PKD1: variants seen among roughly 807,000 people sequenced by gnomAD.
PKD1 encodes the protein polycystin 1, transient receptor potential channel interacting.
PKD1 carries 81 observed loss-of-function variants against 361.7 expected under a neutral mutation model. That is an observed-to-expected ratio of 0.22 (90% CI 0.19 to 0.27). The LOEUF is 0.27. Ranked by LOEUF, PKD1 falls within the 10% of genes least tolerant of loss-of-function variation. The pLI, the probability that PKD1 is intolerant of heterozygous loss-of-function variation, is 1.00. For synonymous variants in PKD1, 3,615 were observed against 2,818.3 expected, an observed-to-expected ratio of 1.28 and a Z score of -8.95; for missense variants, 6,399 against 6,118.3, an observed-to-expected ratio of 1.05 and a Z score of -1.53.
chr16:2,133,942 C>T lies in PKD1; in HGVS notation c.215+1533G>A, dbSNP rs940244524. On this transcript the variant is annotated intron_variant, in intron 1 of 45. Coordinates refer to ENST00000262304, the MANE Select transcript of PKD1 (RefSeq NM_001009944.3). The stretch of plus-strand genomic sequence containing the variant: ...ACGGGCCTTGCTCTCCGCTCAGCAG[C>T]CACCAGCGCCCTTCTCTCCCGGACA... Among the ~76,000 whole-genome samples, 12 of 151,130 alleles carry T rather than the reference C, an allele frequency of 7.9e-5. 1 individual carries two copies. Among genetic ancestry groups the T allele is most frequent in the African/African-American group, 3.0e-4 (12 of 40,628 alleles).
intron 34 of PKD1, among the ~76,000 whole-genome samples, chr16:2,095,698 C>T (rs566113940): frequency 2.6e-5 from 4 of 152,222 alleles, no homozygotes; most frequent in Non-Finnish European, 5.9e-5. Flanking sequence ...CCCAAGCCTC[C>T]GACCTGGTCA....
At position 2,100,234 on chromosome 16, in the gene PKD1, A is replaced by G; in HGVS notation, c.9644T>C (p.Val3215Ala). 1.9e-6 allele frequency: 3 copies of G among 1,610,572 alleles called. No homozygotes were observed. The highest frequency in any genetic ancestry group is 2.5e-6 in the Non-Finnish European group (3 of 1,179,654). The change falls in exon 28 of 46, where the codon GTC (valine) becomes GCC (alanine). Residue 3215 changes from valine to alanine, a missense_variant. Physicochemically the swap from Val to Ala is moderately conservative, Grantham distance 64. Transcript: ENST00000262304. This position sits in a 1 kb window ranked among gnomAD's most constrained non-coding sequence, Gnocchi z 4.4. ...CGTCTCCACCGAAAGCCAGTCATTG[A>G]CCAGGAAGAAGGCGCTGCGTGCCGT... ...LQTARSAFFL[V>A]NDWLSVETEA...
chr16:2,092,813 CCTA>C (rs1186545304), intron 38 of PKD1, 138 bp downstream of exon 38: 21 of 1,053,448 alleles, frequency 2.0e-5, no homozygotes, highest in Middle Eastern at 2.0e-4. Context: ...CTCCCCTCTG[CCTA>C]CTGATGCCAG....
chr16:2,125,423 C>T (rs1281504735), intron 1 of PKD1, among the ~76,000 whole-genome samples: 1 of 152,180 alleles, frequency 6.6e-6, no homozygotes, highest in Non-Finnish European at 1.5e-5. Context: ...AGCTGGGGAG[C>T]CCCAGGCTCA....
chr16:2,109,148 A>G lies in PKD1; in HGVS notation c.6019T>C (p.Tyr2007His). 1 of 1,602,454 alleles carries G rather than the reference A, an allele frequency of 6.2e-7. No individual in the cohort carries two copies. Among genetic ancestry groups the G allele is most frequent in the Non-Finnish European group, 8.5e-7 (1 of 1,174,352 alleles). The stretch of plus-strand genomic sequence containing the variant: ...CCCTGGACCTTCTGCAGCGAGAAGT[A>G]CCAGGCGTAGGCGACCCGAGAGCCG... ...QRGSRVAYAW[Y>H]FSLQKVQGDS... is the part of the protein sequence containing the mutation. Residue 2007 changes from tyrosine to histidine, a missense_variant, in exon 15 of 46, where the codon TAC (tyrosine) becomes CAC (histidine). By Grantham distance (83) the Tyr-to-His change is moderately conservative. Coordinates refer to ENST00000262304, the MANE Select transcript of PKD1 (RefSeq NM_001009944.3).
At chr16:2,098,753 AT>A (rs2091960164) in intron 30 of PKD1, 1 of 143,368 alleles carries the variant, frequency 7.0e-6, no homozygotes, top group African/African-American at 2.8e-5. Context: ...TCTGTGAAGG[AT>A]TGGTGTTAAT....
chr16:2,129,309 C>T (rs2151846950), intron 1 of PKD1, among the ~76,000 whole-genome samples: 1 of 151,424 alleles, frequency 6.6e-6, no homozygotes, highest in East Asian at 1.9e-4. Context: ...ACAGGCGCCA[C>T]CACTAATATC....
At position 2,094,178 on chromosome 16, in the gene PKD1, A is replaced by C; in HGVS notation, c.10532T>G (p.Leu3511Arg). 5 of 1,606,492 alleles carry C rather than the reference A, an allele frequency of 3.1e-6. No homozygotes were observed. Among genetic ancestry groups the C allele is most frequent in the Non-Finnish European group, 4.3e-6 (5 of 1,176,178 alleles). The change falls in exon 35 of 46, where the codon CTG becomes CGG. Residue 3511 changes from leucine to arginine, a missense_variant. By Grantham distance (102) the Leu-to-Arg change is moderately radical. Coordinates refer to ENST00000262304, the MANE Select transcript of PKD1 (RefSeq NM_001009944.3). ...SSTPGEKTET[L>R]ALQRLGELGP... is the part of the protein sequence containing the mutation. The stretch of plus-strand genomic sequence containing the variant: ...CAGCTCCCCCAGCCTCTGCAGCGCC[A>C]GCGTCTCTGTCTTCTCCCCAGGAGT...
chr16:2,115,763 T>C, intron 9 of PKD1, 138 bp from the exon 10 acceptor site: 1 of 1,026,120 alleles, frequency 9.7e-7, no homozygotes, highest in Non-Finnish European at 1.4e-6. Flanking sequence ...AGCCCAGTGC[T>C]GCGTCCGTCT....
intron 42 of PKD1, 95 bp from the exon 43 acceptor site, chr16:2,091,269 G>C (rs1257115227): frequency 2.2e-6 from 1 of 452,874 alleles, no homozygotes; most frequent in African/African-American, 2.3e-5. Context: ...CCTACGAGGG[G>C]GCGGGACGCT....
intron 1 of PKD1, among the ~76,000 whole-genome samples, chr16:2,131,528 T>A (rs560356586): frequency 1.1e-3 from 169 of 148,122 alleles, no homozygotes; most frequent in Middle Eastern, 3.6e-3. Context: ...AATAAATAAA[T>A]AAATAAATAA....
chr16:2,132,133 C>A (rs1305341344), intron 1 of PKD1, among the ~76,000 whole-genome samples: 1 of 151,794 alleles, frequency 6.6e-6, no homozygotes, highest in Non-Finnish European at 1.5e-5. Flanking sequence ...GCCTGTAATC[C>A]CAGCTACTGG....
chr16:2,105,683 G>C (rs1239628015), intron 20 of PKD1, 182 bp downstream of exon 20: 38 of 1,324,972 alleles, frequency 2.9e-5, no homozygotes, highest in Non-Finnish European at 3.0e-5. Flanking sequence ...GAAAGCAGAC[G>C]CCGGAGAGGG....
chr16:2,092,627 C>T (rs375435719), intron 38 of PKD1, 35 bp from the exon 39 acceptor site: 1 of 1,430,312 alleles, frequency 7.0e-7, no homozygotes, highest in Middle Eastern at 1.7e-4. Flanking sequence ...CCAGCCCCTA[C>T]TGCCCCATGC....
At position 2,089,675 on chromosome 16, in the gene PKD1, A is replaced by G; in HGVS notation, c.*52T>C. 6 of 1,547,072 alleles carry G rather than the reference A, an allele frequency of 3.9e-6. No homozygotes were observed. The highest frequency in any genetic ancestry group is 5.2e-6 in the Non-Finnish European group (6 of 1,145,554). On this transcript the variant is annotated 3_prime_UTR_variant, in exon 46 of 46. Coordinates refer to ENST00000262304, the MANE Select transcript of PKD1 (RefSeq NM_001009944.3). ...GGCCTTGACAGCGGCAGAAAGTAATACTGAGCGGTGTCCACTCCGACTCCA... is the reference window on the plus strand; with the variant it reads ...GGCCTTGACAGCGGCAGAAAGTAATGCTGAGCGGTGTCCACTCCGACTCCA...
rs765639149 is a variant in PKD1, at chr16:2,100,243, A to G, written c.9635T>C (p.Phe3212Ser). The change falls in exon 28 of 46, where the codon TTC becomes TCC. Residue 3212 changes from phenylalanine to serine, a missense_variant. Transcript: ENST00000262304. The surrounding 1 kb of genome is among the most constrained non-coding windows in gnomAD (Gnocchi z 4.4). ...CGAAAGCCAGTCATTGACCAGGAAG[A>G]AGGCGCTGCGTGCCGTCTGCAGGTC... ...VRDLQTARSA[F>S]FLVNDWLSVE... The G allele has an allele frequency of 1.6e-5, 25 of 1,610,574 alleles. No individual in the cohort carries two copies. The highest frequency in any genetic ancestry group is 3.3e-5 in the Admixed American group (2 of 59,994).
In PKD1 at chr16:2,097,368, G is replaced by A. The variant is rs1319706134; in HGVS notation, c.10356C>T (p.Gly3452=). Residue 3452 remains glycine, a synonymous_variant, in exon 33 of 46, where the codon GGC becomes GGT. Transcript: ENST00000262304. Reference sequence around the variant, plus strand: ...GCGAGTAGGGGCTGGCCAGGGAGAAGCCGTCCTCCTCTGGGCCCAGCCCAT... The same window carrying A: ...GCGAGTAGGGGCTGGCCAGGGAGAAACCGTCCTCCTCTGGGCCCAGCCCAT... ...AGHGLGPEED[G]FSLASPYSPA... is the part of the protein sequence containing the mutation. 3 of 1,611,870 alleles carry A rather than the reference G, an allele frequency of 1.9e-6. No individual in the cohort carries two copies. Among genetic ancestry groups the A allele is most frequent in the Admixed American group, 1.7e-5 (1 of 59,982 alleles).
Position 2,112,851 on chromosome 16 carries a change from G to A in PKD1, c.3098C>T (p.Pro1033Leu), listed in dbSNP as rs1225386526. 2 of 1,605,268 alleles carry A rather than the reference G, an allele frequency of 1.2e-6. No homozygotes were observed. Among genetic ancestry groups the A allele is most frequent in the Non-Finnish European group, 1.7e-6 (2 of 1,179,666 alleles). The change falls in exon 13 of 46, where the codon CCC (proline) becomes CTC (leucine). Residue 1033 changes from proline to leucine, a missense_variant. Transcript: ENST00000262304. ...CGCCGTCAGTGCTAGCGTGGCATTG[G>A]GGGACAGCACGGCCGGCACTGTGGA... ...QVSTVPAVLSPNATLALTAGV... is the reference protein window; with the variant it reads ...QVSTVPAVLSLNATLALTAGV...
Position 2,097,468 on chromosome 16 carries a change from C to T in PKD1, c.10256G>A (p.Ser3419Asn), listed in dbSNP as rs773523147. 1 of 1,603,890 alleles carries T rather than the reference C, an allele frequency of 6.2e-7. No homozygotes were observed. The highest frequency in any genetic ancestry group is 8.5e-7 in the Non-Finnish European group (1 of 1,179,898). Reference protein sequence around the residue: ...VCWPSGEGTLSWPDLLSDPSI... With the variant: ...VCWPSGEGTLNWPDLLSDPSI... ...CGGGTCACTGAGCAGGTCCGGCCAA[C>T]TGAGCGTTCCCTCGCCGGAGGGCCA... Residue 3419 changes from serine (S) to asparagine (N), a missense_variant, in exon 33 of 46, where the codon AGT becomes AAT. Physicochemically the swap from Ser to Asn is conservative, Grantham distance 46. Coordinates refer to ENST00000262304, the MANE Select transcript of PKD1 (RefSeq NM_001009944.3).
Sources: gnomAD v4.1 joint callset for allele counts (sites outside exome capture counted in the v4.1 genomes callset) on GRCh38, gnomAD v4.1.1 for gene constraint, Gnocchi (gnomAD v3.1) non-coding constraint, MANE v1.5 for transcripts, NCBI Gene and HGNC (gene_info 2026-07-23, HGNC 2026-07-21) for gene names.